Variants in PURA observed in about 807,000 individuals in gnomAD.
PURA encodes the protein purine rich element binding protein A.
In PURA, 2 loss-of-function variants were observed where a neutral mutation model predicts 23.1. The observed-to-expected ratio is 0.09, with a 90% CI of 0.04 to 0.27. The LOEUF is 0.27. Ranked by LOEUF, PURA falls within the 10% of genes least tolerant of loss-of-function variation. The pLI is 1.00. For synonymous variants in PURA, 254 were observed against 205.9 expected (o/e 1.23, Z -2.00); for missense variants, 187 against 449.7 (o/e 0.42, Z 5.28).
rs1763166602 is a variant in PURA, at chr5:140,122,718, A to G, written c.*7568A>G. 2 of 166,852 alleles carry G rather than the reference A, an allele frequency of 1.2e-5. No homozygotes were observed. Among genetic ancestry groups the G allele is most frequent in the Admixed American group, 1.3e-4 (2 of 15,256 alleles). The allele number at this position is 166,852 out of a possible 1,614,324, so 10.3% of individuals were successfully genotyped here. On this transcript the variant is annotated 3_prime_UTR_variant, in exon 1 of 1. Transcript: ENST00000331327. Reference sequence around the variant, plus strand: ...GTTAGTACATTTTGGAGGTTCTTATATCCTTTGTAGGGTAAGCTGATAGTG... The same window carrying G: ...GTTAGTACATTTTGGAGGTTCTTATGTCCTTTGTAGGGTAAGCTGATAGTG...
Position 140,117,949 on chromosome 5 carries a change from C to T in PURA, c.*2799C>T, listed in dbSNP as rs919775283. 6.0e-6 allele frequency: 1 copy of T among 166,814 alleles called. No homozygotes were observed. The highest frequency in any genetic ancestry group is 1.5e-5 in the Non-Finnish European group (1 of 68,064). 10.3% of individuals were successfully genotyped at this position (166,814 alleles called of 1,614,324 possible). On this transcript the variant is annotated 3_prime_UTR_variant, in exon 1 of 1. Coordinates refer to ENST00000331327, the MANE Select transcript of PURA (RefSeq NM_005859.5). Reference sequence around the variant, plus strand: ...TCACTTTACCTCCCCAAGCACCCTCCCAAACCTTGTCTTCCCTCTTCTGTT... The same window carrying T: ...TCACTTTACCTCCCCAAGCACCCTCTCAAACCTTGTCTTCCCTCTTCTGTT...
chr5:140,118,500 A>AGCC lies in PURA; in HGVS notation c.*3351_*3353dup, dbSNP rs1399922561. 1 of 166,988 alleles carries AGCC rather than the reference A, an allele frequency of 6.0e-6. No individual in the cohort carries two copies. Among genetic ancestry groups the AGCC allele is most frequent in the Non-Finnish European group, 1.5e-5 (1 of 68,074 alleles). 10.3% of individuals were successfully genotyped at this position (166,988 alleles called of 1,614,324 possible). On this transcript the variant is annotated 3_prime_UTR_variant, in exon 1 of 1. Transcript: ENST00000331327. ...CTGATGTTAGAAGCAGCAGTCATCC[A>AGCC]GCCACAGAGGGAGCTAAAGTTAACT...
In PURA at chr5:140,119,924, T is replaced by C. The variant is rs1314356562; in HGVS notation, c.*4774T>C. The C allele has an allele frequency of 6.0e-6, 1 of 166,590 alleles. No homozygotes were observed. The highest frequency in any genetic ancestry group is 2.4e-5 in the African/African-American group (1 of 41,446). 10.3% of individuals were successfully genotyped at this position (166,590 alleles called of 1,614,324 possible). A position where few individuals can be genotyped will look rare whatever the true frequency, so the allele number is the denominator to read the frequency against. On this transcript the variant is annotated 3_prime_UTR_variant, in exon 1 of 1. Transcript: ENST00000331327. ...GAATGGGGCTATCTGAAATTGATGGTCTAGTAGCTTTCATAGCTCCACAAT... is the reference window on the plus strand; with the variant it reads ...GAATGGGGCTATCTGAAATTGATGGCCTAGTAGCTTTCATAGCTCCACAAT...
rs1464973815 is a variant in PURA at position 140,120,338 on chromosome 5, C to T, written c.*5188C>T. ...GGAATTGCTTACATAGATAAATTCACCAAAGTTATTTGTGTAGATTTGTTA... is the reference window on the plus strand; with the variant it reads ...GGAATTGCTTACATAGATAAATTCATCAAAGTTATTTGTGTAGATTTGTTA... On this transcript the variant is annotated 3_prime_UTR_variant, in exon 1 of 1. Transcript: ENST00000331327. 3.0e-5 allele frequency: 5 copies of T among 166,808 alleles called. No homozygotes were observed. Among genetic ancestry groups the T allele is most frequent in the Admixed American group, 6.6e-5 (1 of 15,244 alleles). 10.3% of individuals were successfully genotyped at this position (166,808 alleles called of 1,614,324 possible).
rs968514688 is a variant in PURA, at chr5:140,121,330, G to A, written c.*6180G>A. 7 of 166,906 alleles carry A rather than the reference G, an allele frequency of 4.2e-5. No homozygotes were observed. Among genetic ancestry groups the A allele is most frequent in the East Asian group, 1.9e-4 (1 of 5,204 alleles). The allele number at this position is 166,906 out of a possible 1,614,324, so 10.3% of individuals were successfully genotyped here. A position where few individuals can be genotyped will look rare whatever the true frequency, so the allele number is the denominator to read the frequency against. ...TCCTTATCGTGAAGTGGCAGTTAAA[G>A]TTATGGGACAGGTGAATTACCTATT... On this transcript the variant is annotated 3_prime_UTR_variant, in exon 1 of 1. Transcript: ENST00000331327.
chr5:140,117,035 G>A lies in PURA; in HGVS notation c.*1885G>A, dbSNP rs1324298060. ...GGATTTTTTTCTGCTGGTCCTTTGG[G>A]TTTTGATTTGATATTTTTATGCTCC... On this transcript the variant is annotated 3_prime_UTR_variant, in exon 1 of 1. Transcript: ENST00000331327. The A allele has an allele frequency of 6.0e-6, 1 of 166,906 alleles. No individual in the cohort carries two copies. Among genetic ancestry groups the A allele is most frequent in the Non-Finnish European group, 1.5e-5 (1 of 68,082 alleles). 10.3% of individuals were successfully genotyped at this position (166,906 alleles called of 1,614,324 possible). A position where few individuals can be genotyped will look rare whatever the true frequency, so the allele number is the denominator to read the frequency against.
In PURA at chr5:140,120,473, C is replaced by T. The variant is rs537069149; in HGVS notation, c.*5323C>T. ...AAACTAAAGTGATCACTGCTATTCA[C>T]GAATTATTATAGAATCTTCTTTGCA... On this transcript the variant is annotated 3_prime_UTR_variant, in exon 1 of 1. Coordinates refer to ENST00000331327, the MANE Select transcript of PURA (RefSeq NM_005859.5). The T allele has an allele frequency of 7.2e-5, 12 of 166,650 alleles. No homozygotes were observed. In the South Asian group the frequency reaches 1.0e-3, roughly 14 times the overall value. 10.3% of individuals were successfully genotyped at this position (166,650 alleles called of 1,614,324 possible).
chr5:140,118,850 C>T lies in PURA; in HGVS notation c.*3700C>T, dbSNP rs1335919887. 6.0e-6 allele frequency: 1 copy of T among 166,790 alleles called. No homozygotes were observed. Among genetic ancestry groups the T allele is most frequent in the Non-Finnish European group, 1.5e-5 (1 of 68,020 alleles). The allele number at this position is 166,790 out of a possible 1,614,324, so 10.3% of individuals were successfully genotyped here. On this transcript the variant is annotated 3_prime_UTR_variant, in exon 1 of 1. Transcript: ENST00000331327. ...CCTTCACATCTAGAGAGATGGATAACTTCCAATTTGATTTTTCAGGTAATA... is the reference window on the plus strand; with the variant it reads ...CCTTCACATCTAGAGAGATGGATAATTTCCAATTTGATTTTTCAGGTAATA...
Position 140,115,210 on chromosome 5 carries a change from C to A in PURA, c.*60C>A. The A allele has an allele frequency of 4.0e-6, 4 of 990,986 alleles. No homozygotes were observed. The highest frequency in any genetic ancestry group is 5.8e-6 in the Non-Finnish European group (4 of 692,444). The allele number at this position is 990,986 out of a possible 1,614,324, so 61.4% of individuals were successfully genotyped here. A position where few individuals can be genotyped will look rare whatever the true frequency, so the allele number is the denominator to read the frequency against. On this transcript the variant is annotated 3_prime_UTR_variant, in exon 1 of 1. Transcript: ENST00000331327. This position sits in a 1 kb window ranked among gnomAD's most constrained non-coding sequence, Gnocchi z 4.1. ...GCATACACACACACACACAGCCACACACACAGAAAATATACTGTAAAGAAA... is the reference window on the plus strand; with the variant it reads ...GCATACACACACACACACAGCCACAAACACAGAAAATATACTGTAAAGAAA...
At position 140,118,713 on chromosome 5, in the gene PURA, A is replaced by G. The variant is rs1001400373; in HGVS notation, c.*3563A>G. On this transcript the variant is annotated 3_prime_UTR_variant, in exon 1 of 1. Coordinates refer to ENST00000331327, the MANE Select transcript of PURA (RefSeq NM_005859.5). ...AGCTTCTCAAAAAGCCATGGAGAGTAGAAACCAAAACCAACAGGGAAATAA... is the reference window on the plus strand; with the variant it reads ...AGCTTCTCAAAAAGCCATGGAGAGTGGAAACCAAAACCAACAGGGAAATAA... The G allele has an allele frequency of 6.0e-6, 1 of 167,004 alleles. No individual in the cohort carries two copies. Among genetic ancestry groups the G allele is most frequent in the African/African-American group, 2.4e-5 (1 of 41,462 alleles). 10.3% of individuals were successfully genotyped at this position (167,004 alleles called of 1,614,324 possible).
rs1253316532 is a variant in PURA at position 140,116,819 on chromosome 5, T to TTA, written c.*1669_*1670insTA. 2.1e-5 allele frequency: 2 copies of TTA among 96,784 alleles called. No individual in the cohort carries two copies. The highest frequency in any genetic ancestry group is 8.1e-5 in the African/African-American group (2 of 24,576). 6.0% of individuals were successfully genotyped at this position (96,784 alleles called of 1,614,324 possible). A position where few individuals can be genotyped will look rare whatever the true frequency, so the allele number is the denominator to read the frequency against. On this transcript the variant is annotated 3_prime_UTR_variant, in exon 1 of 1. Coordinates refer to ENST00000331327, the MANE Select transcript of PURA (RefSeq NM_005859.5). ...TGGAATTCTGTAGAAAGTATTTTGG[T>TTA]AAAAAAAAAAAAAAAAAAAAAGGGT...
In PURA at chr5:140,119,848, C is replaced by G. The variant is rs1763130360; in HGVS notation, c.*4698C>G. The G allele has an allele frequency of 6.0e-6, 1 of 166,660 alleles. No homozygotes were observed. The highest frequency in any genetic ancestry group is 2.1e-4 in the South Asian group (1 of 4,822). The allele number at this position is 166,660 out of a possible 1,614,324, so 10.3% of individuals were successfully genotyped here. On this transcript the variant is annotated 3_prime_UTR_variant, in exon 1 of 1. Coordinates refer to ENST00000331327, the MANE Select transcript of PURA (RefSeq NM_005859.5). ...GGTTCACCTTCTTGTCTACAATATT[C>G]CCACTCATTTTTTCAGGTTATATAT...
At position 140,114,853 on chromosome 5, in the gene PURA, G is replaced by A. The variant is rs1187486679; in HGVS notation, c.672G>A (p.Leu224=). ...EPAELPEGTS[L]TVDNKRFFFD... ...CCGAGCTGCCCGAGGGCACCTCCTTGACTGTGGACAACAAGCGCTTCTTCT... is the reference window on the plus strand; with the variant it reads ...CCGAGCTGCCCGAGGGCACCTCCTTAACTGTGGACAACAAGCGCTTCTTCT... Residue 224 remains leucine, a synonymous_variant, in exon 1 of 1, where the codon TTG becomes TTA. Transcript: ENST00000331327. The A allele has an allele frequency of 1.2e-6, 2 of 1,614,134 alleles. No homozygotes were observed. Among genetic ancestry groups the A allele is most frequent in the East Asian group, 2.2e-5 (1 of 44,898 alleles).
At position 140,122,304 on chromosome 5, in the gene PURA, A is replaced by G. The variant is rs1430164745; in HGVS notation, c.*7154A>G. ...GAAATATTTATCACACATACTATCT[A>G]TTTTCTTGGGCTCTTGTTACAATGT... is the stretch of plus-strand genomic sequence containing the variant. On this transcript the variant is annotated 3_prime_UTR_variant, in exon 1 of 1. Transcript: ENST00000331327. 1.2e-5 allele frequency: 2 copies of G among 166,642 alleles called. No individual in the cohort carries two copies. Among genetic ancestry groups the G allele is most frequent in the South Asian group, 2.1e-4 (1 of 4,820 alleles). The allele number at this position is 166,642 out of a possible 1,614,324, so 10.3% of individuals were successfully genotyped here. A position where few individuals can be genotyped will look rare whatever the true frequency, so the allele number is the denominator to read the frequency against.
rs1251078074 is a variant in PURA, at chr5:140,116,301, G to A, written c.*1151G>A. On this transcript the variant is annotated 3_prime_UTR_variant, in exon 1 of 1. Coordinates refer to ENST00000331327, the MANE Select transcript of PURA (RefSeq NM_005859.5). ...TGAAGCTATTCTTTGATTTTTGCTA[G>A]TGCTATTAACTTATGTAGACCTGTT... 6.0e-6 allele frequency: 1 copy of A among 166,980 alleles called. No homozygotes were observed. The highest frequency in any genetic ancestry group is 1.5e-5 in the Non-Finnish European group (1 of 68,086). 10.3% of individuals were successfully genotyped at this position (166,980 alleles called of 1,614,324 possible). A position where few individuals can be genotyped will look rare whatever the true frequency, so the allele number is the denominator to read the frequency against.
Position 140,114,280 on chromosome 5 carries a change from C to T in PURA, c.99C>T (p.Gly33=), listed in dbSNP as rs2126748624. The T allele has an allele frequency of 2.5e-6, 3 of 1,194,044 alleles. No homozygotes were observed. Among genetic ancestry groups the T allele is most frequent in the South Asian group, 4.1e-5 (1 of 24,436 alleles). 74.0% of individuals were successfully genotyped at this position (1,194,044 alleles called of 1,614,324 possible). Residue 33 remains glycine, a synonymous_variant, in exon 1 of 1, where the codon GGC becomes GGT. Transcript: ENST00000331327. ...HPGSGSGSGG[G]GGGGGGGGGS... ...GCTCGGGCTCAGGCTCCGGCGGGGG[C>T]GGTGGTGGCGGCGGGGGCGGCGGCG...
chr5:140,124,160 A>C lies in PURA; in HGVS notation c.*9010A>C, dbSNP rs533181298. 6.0e-6 allele frequency: 1 copy of C among 167,082 alleles called. No individual in the cohort carries two copies. 10.3% of individuals were successfully genotyped at this position (167,082 alleles called of 1,614,324 possible). ...AACACAGTGTTCAGAATTGCAAAAAAATTTAAAAATTGATAGTTTTATCAA... is the reference window on the plus strand; with the variant it reads ...AACACAGTGTTCAGAATTGCAAAAACATTTAAAAATTGATAGTTTTATCAA... On this transcript the variant is annotated 3_prime_UTR_variant, in exon 1 of 1. Coordinates refer to ENST00000331327, the MANE Select transcript of PURA (RefSeq NM_005859.5).
Position 140,115,192 on chromosome 5 carries a change from C to A in PURA, c.*42C>A. 8.9e-7 allele frequency: 1 copy of A among 1,118,332 alleles called. No homozygotes were observed. Among genetic ancestry groups the A allele is most frequent in the South Asian group, 1.6e-5 (1 of 61,696 alleles). The allele number at this position is 1,118,332 out of a possible 1,614,324, so 69.3% of individuals were successfully genotyped here. ...CCCCACACACACACACATGCATACA[C>A]ACACACACACAGCCACACACACAGA... On this transcript the variant is annotated 3_prime_UTR_variant, in exon 1 of 1. Coordinates refer to ENST00000331327, the MANE Select transcript of PURA (RefSeq NM_005859.5). The surrounding 1 kb of genome is among the most constrained non-coding windows in gnomAD (Gnocchi z 4.1).
Position 140,116,470 on chromosome 5 carries a change from G to C in PURA, c.*1320G>C, listed in dbSNP as rs1333810549. The C allele has an allele frequency of 6.0e-6, 1 of 167,076 alleles. No homozygotes were observed. The highest frequency in any genetic ancestry group is 6.5e-5 in the Admixed American group (1 of 15,280). 10.3% of individuals were successfully genotyped at this position (167,076 alleles called of 1,614,324 possible). A position where few individuals can be genotyped will look rare whatever the true frequency, so the allele number is the denominator to read the frequency against. On this transcript the variant is annotated 3_prime_UTR_variant, in exon 1 of 1. Coordinates refer to ENST00000331327, the MANE Select transcript of PURA (RefSeq NM_005859.5). ...TATTACTGGCTACATTATATGCTAAGTGTATTTGTGTTCCCCAAGTGTACA... is the reference window on the plus strand; with the variant it reads ...TATTACTGGCTACATTATATGCTAACTGTATTTGTGTTCCCCAAGTGTACA...
Sources: allele counts gnomAD v4.1 joint callset, GRCh38; gene constraint gnomAD v4.1.1; non-coding constraint Gnocchi (gnomAD v3.1); transcripts MANE v1.5; gene names NCBI Gene and HGNC (gene_info 2026-07-23, HGNC 2026-07-21).